RBM26: variants seen among roughly 807,000 people sequenced by gnomAD.
The protein encoded by RBM26 is RNA binding motif protein 26, also known as RNA-binding protein 26.
Under a neutral mutation model 123.6 loss-of-function variants are expected in RBM26, and 30 were observed. That is an observed-to-expected ratio of 0.24 (90% CI 0.18 to 0.33). The LOEUF is 0.33. RBM26 is among the 10% of genes least tolerant of loss of function. The pLI is 1.00. For missense variants in RBM26, 947 were observed against 1,203.6 expected (o/e 0.79, Z 3.15); for synonymous variants, 400 against 404.4 (o/e 0.99, Z 0.13).
At chr13:79,369,209 CA>C (rs1475179725) in intron 5 of RBM26, among the ~76,000 whole-genome samples, 1 of 151,976 alleles carries the variant, frequency 6.6e-6, no homozygotes, top group East Asian at 1.9e-4. Flanking sequence ...GTAATGCTGC[CA>C]TATTTAATGT....
chr13:79,377,504 A>G lies in RBM26; in HGVS notation c.202T>C (p.Phe68Leu), dbSNP rs1293356381. The stretch of plus-strand genomic sequence containing the variant: ...ACAGCATCAAAAAGTTTTTCCACAA[A>G]TATCTGTGTCTCTAAAAATAAAACC... ...DVFLQKETQI[F>L]VEKLFDAVNT... Residue 68 changes from phenylalanine to leucine, a missense_variant, in exon 3 of 22, where the codon TTT becomes CTT. Coordinates refer to ENST00000438737, the MANE Select transcript of RBM26 (RefSeq NM_001366735.2). 6.2e-7 allele frequency: 1 copy of G among 1,609,856 alleles called. No individual in the cohort carries two copies. Among genetic ancestry groups the G allele is most frequent in the Non-Finnish European group, 8.5e-7 (1 of 1,176,718 alleles).
At chr13:79,389,167 C>G (rs559524122) in intron 1 of RBM26, among the ~76,000 whole-genome samples, 178 of 152,152 alleles carry the variant, frequency 1.2e-3, no homozygotes, top group Non-Finnish European at 2.2e-3. Flanking sequence ...CACTATCTCC[C>G]GTAACTTCTT....
At chr13:79,313,086 A>C (rs893407743) in exon 5 of RBM26, 2 of 151,900 alleles carry the variant, frequency 1.3e-5, no homozygotes, top group African/African-American at 4.8e-5. Flanking sequence ...AAATATAGAT[A>C]TATAAAAGGC....
At chr13:79,348,366 T>G (rs930871643) in intron 14 of RBM26, among the ~76,000 whole-genome samples, 2 of 152,094 alleles carry the variant, frequency 1.3e-5, no homozygotes, top group African/African-American at 4.8e-5. Flanking sequence ...AACACCTCCT[T>G]ATTTTATTTC....
intron 1 of RBM26, among the ~76,000 whole-genome samples, chr13:79,386,016 T>C (rs1182181140): frequency 2.6e-5 from 4 of 151,974 alleles, no homozygotes; most frequent in Admixed American, 6.6e-5. Context: ...ATTTAGGTCA[T>C]ATCCCCACTG....
At chr13:79,402,287 A>G (rs934702101) in intron 1 of RBM26, among the ~76,000 whole-genome samples, 9 of 152,172 alleles carry the variant, frequency 5.9e-5, no homozygotes, top group Non-Finnish European at 1.2e-4. Flanking sequence ...CAATTTTAAT[A>G]AAGTTCAAAA....
chr13:79,324,787 G>A (rs551707716), intron 20 of RBM26, among the ~76,000 whole-genome samples: 22 of 150,912 alleles, frequency 1.5e-4, no homozygotes, highest in African/African-American at 5.1e-4. Context: ...ATTAAAAAAA[G>A]AAAAAAAATT....
At chr13:79,367,517 A>G (rs1335799907) in intron 6 of RBM26, among the ~76,000 whole-genome samples, 2 of 151,270 alleles carry the variant, frequency 1.3e-5, no homozygotes, top group East Asian at 1.9e-4. Flanking sequence ...ATGGGGGTAG[A>G]TCCTTCATGA....
At chr13:79,346,266 A>G (rs2072312697) in intron 14 of RBM26, among the ~76,000 whole-genome samples, 1 of 152,242 alleles carries the variant, frequency 6.6e-6, no homozygotes, top group African/African-American at 2.4e-5. Context: ...AGAAAGTGTT[A>G]GCCTCTAAAC....
chr13:79,385,828 A>C (rs1324815783), intron 1 of RBM26, among the ~76,000 whole-genome samples: 2 of 152,150 alleles, frequency 1.3e-5, no homozygotes, highest in Non-Finnish European at 2.9e-5. Flanking sequence ...TCATATCACC[A>C]GGACTCTCTA....
chr13:79,389,037 A>C (rs573653489), intron 1 of RBM26, among the ~76,000 whole-genome samples: 150 of 152,312 alleles, frequency 9.8e-4, no homozygotes, highest in African/African-American at 3.3e-3. Flanking sequence ...ACTTCATTTA[A>C]GATTTTATAA....
chr13:79,380,354 T>G (rs1326546540), intron 1 of RBM26, among the ~76,000 whole-genome samples: 1 of 152,116 alleles, frequency 6.6e-6, no homozygotes, highest in Non-Finnish European at 1.5e-5. Flanking sequence ...AAAAGGTTTG[T>G]ATAGTATTTG....
chr13:79,375,112 AAT>A (rs1473947550), intron 3 of RBM26, among the ~76,000 whole-genome samples: 1,895 of 127,452 alleles, frequency 0.015, 59 homozygotes, highest in African/African-American at 0.051. Flanking sequence ...ATATCATATA[AAT>A]ATATATTTAT....
chr13:79,320,889 A>G (rs2067591039), intron 21 of RBM26, among the ~76,000 whole-genome samples, 179 bp from the exon 22 acceptor site: 1 of 151,362 alleles, frequency 6.6e-6, no homozygotes, highest in South Asian at 2.1e-4. Flanking sequence ...GTTTCTCTAT[A>G]TGATCTATTC....
At chr13:79,321,552 T>G (rs1422704417) in intron 21 of RBM26, among the ~76,000 whole-genome samples, 1 of 151,420 alleles carries the variant, frequency 6.6e-6, no homozygotes, top group Non-Finnish European at 1.5e-5. Context: ...TTCAAAGGCC[T>G]CTAACACTTC....
At chr13:79,372,864 T>TAA (rs1196960809) in intron 3 of RBM26, among the ~76,000 whole-genome samples, 898 of 67,938 alleles carry the variant, frequency 0.013, 217 homozygotes, top group African/African-American at 0.073. Flanking sequence ...TAAATATAAA[T>TAA]ATATTTATAA....
intron 14 of RBM26, among the ~76,000 whole-genome samples, chr13:79,349,505 A>G (rs2072870387): frequency 1.3e-5 from 2 of 152,230 alleles, no homozygotes; most frequent in Admixed American, 1.3e-4. Context: ...AAATATGTAC[A>G]GCTAGTAATG....
At chr13:79,385,487 A>G (rs1262567434) in intron 1 of RBM26, among the ~76,000 whole-genome samples, 1 of 152,150 alleles carries the variant, frequency 6.6e-6, no homozygotes, top group African/African-American at 2.4e-5. Context: ...ACTATTGGCC[A>G]GTTCTTTTAT....
chr13:79,393,273 A>G (rs2140432790), intron 1 of RBM26, among the ~76,000 whole-genome samples: 1 of 152,322 alleles, frequency 6.6e-6, no homozygotes, highest in South Asian at 2.1e-4. Flanking sequence ...GTAGGAGTTA[A>G]GAACAAAGAT....
Sources: allele counts gnomAD v4.1 joint callset (sites outside exome capture counted in the v4.1 genomes callset), GRCh38; gene constraint gnomAD v4.1.1; transcripts MANE v1.5; gene names NCBI Gene and HGNC (gene_info 2026-07-23, HGNC 2026-07-21).